PAK5: variants seen among roughly 807,000 people sequenced by gnomAD.
PAK5 encodes serine/threonine-protein kinase PAK 5.
PAK5 carries 16 observed loss-of-function variants against 65.9 expected under a neutral mutation model. The ratio of observed to expected loss-of-function variants is 0.24; its 90% CI spans 0.16 to 0.37. The LOEUF is 0.37. Among genes scored for constraint, PAK5 ranks in the 10% least tolerant of loss-of-function variants. The pLI, the probability that PAK5 is intolerant of heterozygous loss-of-function variation, is 1.00. For missense variants in PAK5, 785 were observed against 903.9 expected (o/e 0.87, Z 1.69); for synonymous variants, 371 against 354.9 (o/e 1.05, Z -0.51).
intron 2 of PAK5, among the ~76,000 whole-genome samples, chr20:9,692,362 C>A (rs1319378448): frequency 6.6e-6 from 1 of 152,190 alleles, no homozygotes; most frequent in Non-Finnish European, 1.5e-5. Context: ...AATATGCTCT[C>A]AGAATGGGAT....
At chr20:9,562,560 G>A (rs549764456) in intron 6 of PAK5, among the ~76,000 whole-genome samples, 14 of 152,300 alleles carry the variant, frequency 9.2e-5, no homozygotes, top group Admixed American at 8.5e-4. Context: ...CAATGGTAGA[G>A]TAACTCAGGA....
At chr20:9,569,204 G>C (rs1273306797) in intron 4 of PAK5, among the ~76,000 whole-genome samples, 1 of 152,194 alleles carries the variant, frequency 6.6e-6, no homozygotes, top group African/African-American at 2.4e-5. Flanking sequence ...GGGATAATTT[G>C]TTATGCAGCA....
intron 3 of PAK5, among the ~76,000 whole-genome samples, chr20:9,643,605 T>C (rs1421005618): frequency 3.3e-5 from 5 of 152,288 alleles, no homozygotes; most frequent in South Asian, 2.1e-4. Context: ...TGTGTATATA[T>C]ACACACATAT....
chr20:9,580,996 C>T (rs112377384), intron 3 of PAK5, 66 bp from the exon 4 acceptor site: 11 of 1,136,226 alleles, frequency 9.7e-6, no homozygotes, highest in Admixed American at 4.6e-5. Flanking sequence ...ATGGTGGCAT[C>T]CCACCCCCAC....
intron 1 of PAK5, among the ~76,000 whole-genome samples, chr20:9,753,716 T>C (rs1302940004): frequency 6.6e-6 from 1 of 152,176 alleles, no homozygotes; most frequent in East Asian, 1.9e-4. Flanking sequence ...TCTTATGTTT[T>C]GCCAAAGCCT....
rs12625527 is a variant in PAK5 at position 9,708,394 on chromosome 20, A to G, written c.-12+2892T>C. On this transcript the variant is annotated intron_variant, in intron 2 of 9. Transcript: ENST00000353224. ...TTGTGGTGATTATATATATATAATC[A>G]TGTATAAATATCTCCCACCTGACAG... 1.3e-3 allele frequency among the ~76,000 whole-genome samples: 198 copies of G among 152,318 alleles called. 2 individuals are homozygous for G. The East Asian group carries it at 0.036, about 27-fold the overall frequency.
intron 1 of PAK5, among the ~76,000 whole-genome samples, chr20:9,775,390 AC>A: frequency 6.6e-6 from 1 of 151,990 alleles, no homozygotes; most frequent in East Asian, 1.9e-4. Flanking sequence ...TGTTCATTCC[AC>A]CCACAGGGTC....
intron 2 of PAK5, among the ~76,000 whole-genome samples, chr20:9,692,997 A>G (rs901579653): frequency 8.5e-5 from 13 of 152,226 alleles, no homozygotes; most frequent in Non-Finnish European, 4.4e-5. Context: ...AGTGACTGCC[A>G]CAGTAGCAAT....
At chr20:9,820,441 C>T (rs2049406302) in intron 1 of PAK5, among the ~76,000 whole-genome samples, 1 of 152,112 alleles carries the variant, frequency 6.6e-6, no homozygotes, top group African/African-American at 2.4e-5. Context: ...TACTCCTCAC[C>T]TCCTCCAAGG....
intron 1 of PAK5, among the ~76,000 whole-genome samples, chr20:9,763,621 A>G (rs1230496050): frequency 6.6e-6 from 1 of 152,156 alleles, no homozygotes; most frequent in African/African-American, 2.4e-5. Flanking sequence ...TGGTCCCAAT[A>G]AGACTGATGT....
At chr20:9,587,424 ATAGT>A (rs1160308862) in intron 3 of PAK5, among the ~76,000 whole-genome samples, 1 of 152,220 alleles carries the variant, frequency 6.6e-6, no homozygotes, top group Non-Finnish European at 1.5e-5. Flanking sequence ...TCAGCATTCT[ATAGT>A]TATTCTTCTT....
intron 1 of PAK5, among the ~76,000 whole-genome samples, chr20:9,780,762 A>G (rs973782810): frequency 1.3e-5 from 2 of 152,168 alleles, no homozygotes; most frequent in South Asian, 2.1e-4. Context: ...ATCTTTTCAC[A>G]TGGTATAACC....
chr20:9,699,040 T>C (rs1281768906), intron 2 of PAK5, among the ~76,000 whole-genome samples: 2 of 152,172 alleles, frequency 1.3e-5, no homozygotes, highest in South Asian at 2.1e-4. Context: ...AATGTGGAGA[T>C]AGAGGAAACT....
chr20:9,662,924 G>T (rs1025773057), intron 2 of PAK5, among the ~76,000 whole-genome samples: 1 of 152,054 alleles, frequency 6.6e-6, no homozygotes, highest in Non-Finnish European at 1.5e-5. Context: ...AAACTCCTCT[G>T]GCTTTTAATA....
chr20:9,704,195 C>T (rs1402794709), intron 2 of PAK5, among the ~76,000 whole-genome samples: 1 of 152,130 alleles, frequency 6.6e-6, no homozygotes, highest in Non-Finnish European at 1.5e-5. Flanking sequence ...ATAGTCAGAT[C>T]CTGGGCCTGT....
At chr20:9,617,634 C>T (rs1209843446) in intron 3 of PAK5, among the ~76,000 whole-genome samples, 1 of 144,810 alleles carries the variant, frequency 6.9e-6, no homozygotes, top group Non-Finnish European at 1.5e-5. Context: ...CGGCTCACTG[C>T]AAGCTCCACC....
intron 2 of PAK5, among the ~76,000 whole-genome samples, chr20:9,686,227 T>C (rs1273593701): frequency 6.6e-6 from 1 of 152,116 alleles, no homozygotes; most frequent in Non-Finnish European, 1.5e-5. Flanking sequence ...TATCTGCCCT[T>C]CTCTGTGCCT....
intron 2 of PAK5, among the ~76,000 whole-genome samples, chr20:9,649,252 A>T (rs1278377916): frequency 2.0e-5 from 3 of 152,264 alleles, no homozygotes; most frequent in African/African-American, 7.2e-5. Context: ...AAAATGAATT[A>T]CATAAGGTCC....
chr20:9,682,830 A>G (rs2047668293), intron 2 of PAK5, among the ~76,000 whole-genome samples: 1 of 152,198 alleles, frequency 6.6e-6, no homozygotes, highest in Non-Finnish European at 1.5e-5. Flanking sequence ...ACAGCTCCTC[A>G]TCCATTGGAA....
Sources: gnomAD v4.1 joint callset for allele counts (sites outside exome capture counted in the v4.1 genomes callset) on GRCh38, gnomAD v4.1.1 for gene constraint, MANE v1.5 for transcripts, NCBI Gene and HGNC (gene_info 2026-07-23, HGNC 2026-07-21) for gene names.